The following COL28A1 variants were observed in gnomAD, a reference collection of about 807,000 sequenced individuals.
COL28A1 encodes collagen alpha-1(XXVIII) chain.
COL28A1 carries 161 observed loss-of-function variants against 150.2 expected under a neutral mutation model. The observed-to-expected ratio is 1.07, with a 90% CI of 0.94 to 1.22. The LOEUF (loss-of-function observed/expected upper bound fraction) is 1.22, where lower values mean the gene tolerates loss of function less well. Among genes scored for constraint, COL28A1 ranks in the 50% most tolerant of loss-of-function variants. The pLI is 0.00. For synonymous variants in COL28A1, 552 were observed against 469.7 expected, an observed-to-expected ratio of 1.18 and a Z score of -2.26; for missense variants, 1,617 against 1,388.3, an observed-to-expected ratio of 1.16 and a Z score of -2.62.
intron 9 of COL28A1, among the ~76,000 whole-genome samples, chr7:7,510,719 C>T (rs922859893): frequency 4.6e-5 from 7 of 152,326 alleles, no homozygotes; most frequent in African/African-American, 1.7e-4. Context: ...GAGTTCTTCA[C>T]ACTATTTTGG....
chr7:7,515,414 T>C (rs7809551), intron 8 of COL28A1, among the ~76,000 whole-genome samples: 122,054 of 152,104 alleles, frequency 0.8, 49,124 homozygotes, highest in East Asian at 0.86. Flanking sequence ...ATAAATCCTC[T>C]CTTTTCCCTG....
chr7:7,430,836 G>A (rs1784920818), intron 25 of COL28A1, among the ~76,000 whole-genome samples: 1 of 152,114 alleles, frequency 6.6e-6, no homozygotes, highest in South Asian at 2.1e-4. Context: ...GCAGTTTATT[G>A]ATACAGTTGA....
intron 11 of COL28A1, among the ~76,000 whole-genome samples, chr7:7,501,995 A>G (rs527643837): frequency 6.6e-6 from 1 of 152,244 alleles, no homozygotes; most frequent in African/African-American, 2.4e-5. Flanking sequence ...TCCCGGGTTC[A>G]GGCAACGCTC....
At chr7:7,432,786 C>T (rs1785070064) in intron 23 of COL28A1, 86 bp from the exon 24 acceptor site, 18 of 975,044 alleles carry the variant, frequency 1.8e-5, no homozygotes, top group Non-Finnish European at 2.6e-5. Flanking sequence ...ACTCAATATG[C>T]CAACGGTCGA....
intron 13 of COL28A1, among the ~76,000 whole-genome samples, chr7:7,477,511 G>C (rs1472593952): frequency 1.3e-5 from 2 of 152,174 alleles, no homozygotes; most frequent in Non-Finnish European, 2.9e-5. Flanking sequence ...TGGTCTCACT[G>C]ACTTCAAGAA....
At chr7:7,527,512 G>A (rs1782094421) in intron 3 of COL28A1, among the ~76,000 whole-genome samples, 1 of 152,182 alleles carries the variant, frequency 6.6e-6, no homozygotes, top group Non-Finnish European at 1.5e-5. Context: ...GTGGATGGAA[G>A]GGCCCACATG....
At chr7:7,532,616 T>C in intron 2 of COL28A1, 136 bp downstream of exon 2, 1 of 1,138,058 alleles carries the variant, frequency 8.8e-7, no homozygotes, top group Non-Finnish European at 1.2e-6. Context: ...ATTATCATCA[T>C]ATAATTTTAT....
rs555489960 is a variant in COL28A1, at chr7:7,515,896, T to A, written c.856-56A>T. 8 of 812,678 alleles carry A rather than the reference T, an allele frequency of 9.8e-6. No homozygotes were observed. In the South Asian group the frequency reaches 1.1e-4, roughly 11 times the overall value. 50.3% of individuals were successfully genotyped at this position (812,678 alleles called of 1,614,324 possible). ...ATGATACTCTGAGGCAGAATTAGAATAAGGATTAGGTATTTTTCAATTACA... is the reference window on the plus strand; with the variant it reads ...ATGATACTCTGAGGCAGAATTAGAAAAAGGATTAGGTATTTTTCAATTACA... On this transcript the variant is annotated intron_variant, in intron 7 of 34. Coordinates refer to ENST00000399429, the MANE Select transcript of COL28A1 (RefSeq NM_001037763.3).
At chr7:7,436,264 G>T in intron 23 of COL28A1, 131 bp downstream of exon 23, 2 of 674,154 alleles carry the variant, frequency 3.0e-6, no homozygotes, top group Non-Finnish European at 2.6e-6. Flanking sequence ...TAAAAAAAGG[G>T]AATAGCTATA....
chr7:7,467,916 A>G (rs1341390629), intron 15 of COL28A1, among the ~76,000 whole-genome samples: 5 of 145,100 alleles, frequency 3.4e-5, no homozygotes, highest in Non-Finnish European at 1.5e-5. Context: ...CAACGAGAAC[A>G]AAGACACAAC....
intron 6 of COL28A1, among the ~76,000 whole-genome samples, chr7:7,519,669 G>A (rs1562895996): frequency 6.6e-6 from 1 of 152,066 alleles, no homozygotes; most frequent in African/African-American, 2.4e-5. Context: ...GTTTTTCTAT[G>A]ATTATTGTCA....
intron 27 of COL28A1, among the ~76,000 whole-genome samples, chr7:7,416,086 A>G (rs1434957736): frequency 6.6e-6 from 1 of 152,222 alleles, no homozygotes; most frequent in Non-Finnish European, 1.5e-5. Context: ...TACAGGCATG[A>G]GCCACTGCAC....
intron 27 of COL28A1, among the ~76,000 whole-genome samples, chr7:7,386,645 G>C (rs1365458661): frequency 2.4e-4 from 36 of 152,160 alleles, no homozygotes; most frequent in Admixed American, 2.4e-3. Flanking sequence ...TAGGACCCCT[G>C]GGAGCTGCAG....
chr7:7,499,400 A>T (rs973542112), intron 11 of COL28A1, among the ~76,000 whole-genome samples: 6 of 152,222 alleles, frequency 3.9e-5, no homozygotes, highest in Non-Finnish European at 7.3e-5. Context: ...AGAAAAGCTG[A>T]CATGTTCAAG....
intron 25 of COL28A1, among the ~76,000 whole-genome samples, chr7:7,420,521 A>G (rs962849130): frequency 3.9e-5 from 6 of 152,260 alleles, no homozygotes; most frequent in African/African-American, 1.4e-4. Context: ...TGATGGGAAG[A>G]AGGAGAGAAA....
At chr7:7,421,768 C>G (rs1784398171) in intron 25 of COL28A1, among the ~76,000 whole-genome samples, 1 of 152,210 alleles carries the variant, frequency 6.6e-6, no homozygotes, top group Non-Finnish European at 1.5e-5. Flanking sequence ...CTTTTAATAT[C>G]TACTTTCATA....
intron 13 of COL28A1, among the ~76,000 whole-genome samples, chr7:7,479,075 C>T (rs1005474471): frequency 4.6e-5 from 7 of 152,322 alleles, no homozygotes; most frequent in East Asian, 1.9e-4. Context: ...GTGAGGGCTG[C>T]GAGGGCTGCC....
At chr7:7,472,697 A>G (rs1184253869) in intron 15 of COL28A1, among the ~76,000 whole-genome samples, 4 of 152,216 alleles carry the variant, frequency 2.6e-5, no homozygotes, top group Non-Finnish European at 4.4e-5. Context: ...ATGCAACCAA[A>G]AAAGAGCCCA....
downstream of COL28A1, among the ~76,000 whole-genome samples, chr7:7,353,928 A>G (rs1780286750): frequency 1.3e-5 from 2 of 152,298 alleles, 1 homozygote; most frequent in South Asian, 4.1e-4. Flanking sequence ...AAATACCCAT[A>G]GCTCTCCATC....
Sources: gnomAD v4.1 joint callset for allele counts (sites outside exome capture counted in the v4.1 genomes callset) on GRCh38, gnomAD v4.1.1 for gene constraint, MANE v1.5 for transcripts, NCBI Gene and HGNC (gene_info 2026-07-23, HGNC 2026-07-21) for gene names.